Variants in ANK3 observed in about 807,000 individuals in gnomAD.
ANK3 encodes the protein ankyrin-3.
A neutral mutation model predicts 370.9 loss-of-function variants in ANK3; 57 were observed. The ratio of observed to expected loss-of-function variants is 0.15; its 90% confidence interval spans 0.12 to 0.19. The LOEUF (loss-of-function observed/expected upper bound fraction) is 0.19. Among genes scored for constraint, ANK3 ranks in the 10% least tolerant of loss-of-function variants. The pLI, the probability that ANK3 is intolerant of heterozygous loss-of-function variation, is 1.00. For synonymous variants in ANK3, 1,929 were observed against 1,946.3 expected (o/e 0.99, Z 0.23); for missense variants, 4,439 against 5,302.1 (o/e 0.84, Z 5.06).
chr10:60,507,114 A>T (rs529290937), intron 2 of ANK3, among the ~76,000 whole-genome samples: 11 of 152,198 alleles, frequency 7.2e-5, no homozygotes, highest in African/African-American at 2.6e-4. Flanking sequence ...AAATATATAC[A>T]TATATGGAAA....
rs370372355 is a variant in ANK3, at chr10:60,230,548, A to C, written c.897+4140T>G. Among the ~76,000 whole-genome samples, 31 of 152,258 alleles carry C rather than the reference A, an allele frequency of 2.0e-4. No homozygotes were observed. The East Asian group carries it at 3.7e-3, about 18-fold the overall frequency. On this transcript the variant is annotated intron_variant, in intron 8 of 43. Coordinates refer to ENST00000280772, the MANE Select transcript of ANK3 (RefSeq NM_020987.5). ...CAGTTGATATTAATTAGCATTATGG[A>C]GCTGGGAAAATGGGAAAGACTTTCC...
chr10:60,204,271 T>C (rs1447359364), intron 11 of ANK3, among the ~76,000 whole-genome samples: 1 of 152,218 alleles, frequency 6.6e-6, no homozygotes, highest in Non-Finnish European at 1.5e-5. Flanking sequence ...AATCTTGGTC[T>C]GAACTGCCTT....
At chr10:60,643,968 C>T (rs1024445038) in intron 1 of ANK3, among the ~76,000 whole-genome samples, 6 of 152,162 alleles carry the variant, frequency 3.9e-5, no homozygotes, top group Non-Finnish European at 8.8e-5. Context: ...GTCCCTATCC[C>T]CAGCCCTGTA....
chr10:60,465,785 C>CTTTTTTTT (rs1409653171), intron 2 of ANK3, among the ~76,000 whole-genome samples: 1 of 119,394 alleles, frequency 8.4e-6, no homozygotes, highest in Non-Finnish European at 1.8e-5. Context: ...TCTTTTTTTT[C>CTTTTTTTT]TTTCTTTTTT....
intron 2 of ANK3, among the ~76,000 whole-genome samples, chr10:60,477,093 A>G (rs944388065): frequency 3.9e-5 from 6 of 152,160 alleles, no homozygotes; most frequent in African/African-American, 1.2e-4. Context: ...TGCATCCCAC[A>G]GGAAATTACT....
intron 2 of ANK3, chr10:60,573,034 T>A (rs2077634541): frequency 3.0e-6 from 3 of 986,560 alleles, no homozygotes; most frequent in Admixed American, 1.2e-4. Context: ...TAAATTGCTC[T>A]CCGTGCTGCT....
intron 1 of ANK3, chr10:60,684,539 T>G: frequency 1.3e-6 from 2 of 1,572,578 alleles, no homozygotes; most frequent in South Asian, 2.3e-5. Flanking sequence ...ACTTCTATCC[T>G]GTCCAGTCTG....
chr10:60,244,936 G>A (rs1226749342), intron 7 of ANK3, among the ~76,000 whole-genome samples: 4 of 152,152 alleles, frequency 2.6e-5, no homozygotes, highest in African/African-American at 7.2e-5. Flanking sequence ...TTGGGAGGCC[G>A]AGGCGGGCGG....
chr10:60,645,747 T>C (rs1162926515), intron 1 of ANK3, among the ~76,000 whole-genome samples: 1 of 151,054 alleles, frequency 6.6e-6, no homozygotes, highest in East Asian at 2.0e-4. Context: ...AAAAAGAAAA[T>C]AATAAAAAAA....
At chr10:60,401,523 T>G (rs930323810) in intron 2 of ANK3, among the ~76,000 whole-genome samples, 2 of 152,178 alleles carry the variant, frequency 1.3e-5, no homozygotes, top group African/African-American at 4.8e-5. Flanking sequence ...CCATTAGTAT[T>G]TTGTTGTATA....
intron 38 of ANK3, among the ~76,000 whole-genome samples, chr10:60,064,672 GCAACAACAACAACAA>G (rs56412726): frequency 4.1e-5 from 6 of 146,214 alleles, no homozygotes; most frequent in African/African-American, 1.5e-4. Context: ...CATACACACA[GCAACAACAACAACAA>G]CAACAACAAC....
intron 1 of ANK3, among the ~76,000 whole-genome samples, chr10:60,306,937 CT>C (rs1310769802): frequency 1.3e-5 from 2 of 152,094 alleles, no homozygotes; most frequent in Non-Finnish European, 2.9e-5. Flanking sequence ...TCTATGTTGC[CT>C]AGACTGGTCT....
intron 1 of ANK3, among the ~76,000 whole-genome samples, chr10:60,287,878 T>C (rs1443275746): frequency 1.3e-5 from 2 of 152,180 alleles, no homozygotes; most frequent in Non-Finnish European, 2.9e-5. Flanking sequence ...TCGCCCCCAA[T>C]AGGTCTACTC....
At chr10:60,452,509 A>G (rs952574704) in intron 2 of ANK3, among the ~76,000 whole-genome samples, 1 of 152,126 alleles carries the variant, frequency 6.6e-6, no homozygotes, top group Non-Finnish European at 1.5e-5. Flanking sequence ...ACCTTAGAGA[A>G]CCCGTCTTCC....
intron 1 of ANK3, among the ~76,000 whole-genome samples, chr10:60,287,025 T>C (rs942708303): frequency 1.3e-5 from 2 of 152,106 alleles, no homozygotes; most frequent in African/African-American, 2.4e-5. Flanking sequence ...ATTTTTCCTG[T>C]CTCTTCTGTA....
At chr10:60,365,924 A>G (rs2059326541) in intron 1 of ANK3, among the ~76,000 whole-genome samples, 1 of 152,202 alleles carries the variant, frequency 6.6e-6, no homozygotes, top group East Asian at 1.9e-4. Context: ...TAATAATATG[A>G]CAATAAATTA....
chr10:60,597,641 G>C (rs894033129), intron 2 of ANK3, among the ~76,000 whole-genome samples: 2 of 152,084 alleles, frequency 1.3e-5, no homozygotes, highest in African/African-American at 2.4e-5. Context: ...TGAAGAATCA[G>C]CTCAAATCCT....
chr10:60,294,557 C>A (rs34246330), intron 1 of ANK3, among the ~76,000 whole-genome samples: 1,911 of 152,200 alleles, frequency 0.013, 27 homozygotes, highest in Non-Finnish European at 0.016. Flanking sequence ...ACAAATATAC[C>A]AAAATGCTAT....
chr10:60,300,331 G>A, intron 1 of ANK3: 1 of 1,286,652 alleles, frequency 7.8e-7, no homozygotes, highest in Non-Finnish European at 1.0e-6. Flanking sequence ...GTTCTGGGAA[G>A]CTCTCTCCCT....
Sources: allele counts gnomAD v4.1 joint callset (sites outside exome capture counted in the v4.1 genomes callset), GRCh38; gene constraint gnomAD v4.1.1; transcripts MANE v1.5; gene names NCBI Gene and HGNC (gene_info 2026-07-23, HGNC 2026-07-21).